The following ROR1 variants were observed in gnomAD, a reference collection of about 807,000 sequenced individuals.
The protein encoded by ROR1 is ROR family WNT receptor 1, also known as inactive tyrosine-protein kinase transmembrane receptor ROR1.
ROR1 carries 19 observed loss-of-function variants against 78.8 expected under a neutral mutation model. The observed-to-expected ratio is 0.24, with a 90% CI of 0.17 to 0.35. The LOEUF is 0.35. Among genes scored for constraint, ROR1 ranks in the 10% least tolerant of loss-of-function variants. The pLI, the probability that ROR1 is intolerant of heterozygous loss-of-function variation, is 1.00. For synonymous variants in ROR1, 386 were observed against 433.6 expected (o/e 0.89, Z 1.36); for missense variants, 917 against 1,177.8 (o/e 0.78, Z 3.24).
Position 64,086,209 on chromosome 1 carries a change from G to A in ROR1, c.482+35493G>A, listed in dbSNP as rs75993524. Among the ~76,000 whole-genome samples the A allele has an allele frequency of 8.5e-3, 1,293 of 152,300 alleles. 21 individuals are homozygous for A. Among genetic ancestry groups the A allele is most frequent in the African/African-American group, 0.03 (1,241 of 41,562 alleles). The stretch of plus-strand genomic sequence containing the variant: ...TCTATTTGTATGACAACCTAATGGA[G>A]TGGGCAAGGATGATACAACCATTTT... On this transcript the variant is annotated intron_variant, in intron 4 of 8. Coordinates refer to ENST00000371079, the MANE Select transcript of ROR1 (RefSeq NM_005012.4).
At chr1:64,099,067 T>C (rs965709308) in intron 4 of ROR1, among the ~76,000 whole-genome samples, 9 of 152,174 alleles carry the variant, frequency 5.9e-5, no homozygotes, top group African/African-American at 2.2e-4. Context: ...GATTGTGTTC[T>C]CGCAGGCCTT....
intron 1 of ROR1, among the ~76,000 whole-genome samples, chr1:63,977,852 C>G (rs1038879769): frequency 6.6e-6 from 1 of 152,160 alleles, no homozygotes; most frequent in African/African-American, 2.4e-5. Flanking sequence ...ACATCTATAC[C>G]AAAATGTTTT....
At chr1:64,015,979 A>G (rs1646517570) in intron 2 of ROR1, among the ~76,000 whole-genome samples, 1 of 152,212 alleles carries the variant, frequency 6.6e-6, no homozygotes, top group South Asian at 2.1e-4. Flanking sequence ...TAGCATATAT[A>G]GGTGCTCACT....
chr1:63,916,728 TG>T (rs757660426), intron 1 of ROR1, among the ~76,000 whole-genome samples: 7 of 152,160 alleles, frequency 4.6e-5, no homozygotes, highest in African/African-American at 7.2e-5. Flanking sequence ...TGAGACTCCT[TG>T]GCTATTGACA....
At chr1:63,791,190 G>C (rs1644723916) in intron 1 of ROR1, among the ~76,000 whole-genome samples, 1 of 152,124 alleles carries the variant, frequency 6.6e-6, no homozygotes, top group Admixed American at 6.5e-5. Flanking sequence ...TTATCTGCTA[G>C]GACCTCAAAG....
chr1:63,970,042 T>C (rs1207271776), intron 1 of ROR1, among the ~76,000 whole-genome samples: 1 of 152,222 alleles, frequency 6.6e-6, no homozygotes, highest in Non-Finnish European at 1.5e-5. Context: ...TCATGCATGC[T>C]GTTACCTCTG....
At chr1:64,018,913 TCC>T (rs1646542592) in intron 2 of ROR1, among the ~76,000 whole-genome samples, 1 of 152,138 alleles carries the variant, frequency 6.6e-6, no homozygotes, top group African/African-American at 2.4e-5. Flanking sequence ...TAGACCCTAT[TCC>T]CCTCCATTGT....
chr1:64,126,032 A>C (rs542342338), intron 4 of ROR1, among the ~76,000 whole-genome samples: 1 of 152,294 alleles, frequency 6.6e-6, no homozygotes, highest in African/African-American at 2.4e-5. Context: ...GCTAGAGAGA[A>C]CATATTTTCT....
chr1:64,086,203 A>G (rs947677023), intron 4 of ROR1, among the ~76,000 whole-genome samples: 1 of 152,222 alleles, frequency 6.6e-6, no homozygotes, highest in African/African-American at 2.4e-5. Context: ...ATGACAACCT[A>G]ATGGAGTGGG....
intron 4 of ROR1, among the ~76,000 whole-genome samples, chr1:64,062,308 GTTA>G (rs1364512765): frequency 6.6e-5 from 10 of 151,908 alleles, no homozygotes; most frequent in East Asian, 1.9e-4. Context: ...TGTTTTTGTT[GTTA>G]TTGTTGTTGT....
At chr1:63,964,355 G>C (rs1646056912) in intron 1 of ROR1, among the ~76,000 whole-genome samples, 1 of 152,106 alleles carries the variant, frequency 6.6e-6, no homozygotes, top group South Asian at 2.1e-4. Flanking sequence ...GCTTCCCTGG[G>C]ATAAATAAAA....
At chr1:64,147,359 A>ATT (rs111351285) in intron 7 of ROR1, among the ~76,000 whole-genome samples, 3 of 151,876 alleles carry the variant, frequency 2.0e-5, no homozygotes, top group Admixed American at 6.6e-5. Flanking sequence ...CACCACTTAG[A>ATT]TTTTTTTTTA....
chr1:63,825,703 A>G (rs1357630144), intron 1 of ROR1, among the ~76,000 whole-genome samples: 1 of 152,236 alleles, frequency 6.6e-6, no homozygotes, highest in African/African-American at 2.4e-5. Flanking sequence ...TATTCTTTGA[A>G]AGCTGAATTT....
chr1:64,007,162 C>A (rs1436657984), intron 1 of ROR1, among the ~76,000 whole-genome samples: 4 of 152,170 alleles, frequency 2.6e-5, no homozygotes, highest in Non-Finnish European at 4.4e-5. Context: ...ATCCTGCATT[C>A]TATCTCAGAT....
intron 1 of ROR1, among the ~76,000 whole-genome samples, chr1:63,917,529 A>G (rs1645618277): frequency 6.6e-6 from 1 of 152,156 alleles, no homozygotes; most frequent in African/African-American, 2.4e-5. Flanking sequence ...TATTCAACCA[A>G]TCCCCTATTG....
At chr1:63,910,558 G>T (rs705523) in intron 1 of ROR1, among the ~76,000 whole-genome samples, 97,508 of 151,920 alleles carry the variant, frequency 0.64, 35,918 homozygotes, top group East Asian at 0.96. Context: ...CACTTTTGAG[G>T]CCTGTCCCCT....
At chr1:63,912,742 T>C (rs917640713) in intron 1 of ROR1, among the ~76,000 whole-genome samples, 3 of 152,114 alleles carry the variant, frequency 2.0e-5, no homozygotes, top group Admixed American at 2.0e-4. Flanking sequence ...AGGGAGGGAA[T>C]GATACGGGCT....
intron 1 of ROR1, among the ~76,000 whole-genome samples, chr1:63,887,216 G>A (rs915597462): frequency 4.4e-5 from 2 of 45,916 alleles, no homozygotes; most frequent in Non-Finnish European, 1.1e-4. Context: ...TTTGTTTTGC[G>A]TTTTGGGATG....
At chr1:63,908,324 G>A (rs957606425) in intron 1 of ROR1, among the ~76,000 whole-genome samples, 4 of 152,168 alleles carry the variant, frequency 2.6e-5, no homozygotes, top group African/African-American at 7.2e-5. Flanking sequence ...GTTGGAAATA[G>A]GATATGGAAA....
Sources: allele counts gnomAD v4.1 joint callset (sites outside exome capture counted in the v4.1 genomes callset), GRCh38; gene constraint gnomAD v4.1.1; transcripts MANE v1.5; gene names NCBI Gene and HGNC (gene_info 2026-07-23, HGNC 2026-07-21).